The following AFMID variants were observed in gnomAD, a reference collection of about 807,000 sequenced individuals.
AFMID encodes the protein kynurenine formamidase.
In AFMID, 39 loss-of-function variants were observed where a neutral mutation model predicts 47.5. The ratio of observed to expected loss-of-function variants is 0.82; its 90% CI spans 0.64 to 1.07. The LOEUF is 1.07. Ranked by LOEUF, AFMID falls within the 50% of genes least tolerant of loss-of-function variation. The pLI is 0.00. For missense variants in AFMID, 375 were observed against 387.5 expected (o/e 0.97, Z 0.27); for synonymous variants, 130 against 153.2 (o/e 0.85, Z 1.12).
At chr17:78,194,379 A>G (rs950844989) in intron 2 of AFMID, among the ~76,000 whole-genome samples, 1 of 152,126 alleles carries the variant, frequency 6.6e-6, no homozygotes, top group Non-Finnish European at 1.5e-5. Context: ...CTCGCCTCCC[A>G]AAGTGCTGGG....
intron 1 of AFMID, among the ~76,000 whole-genome samples, chr17:78,188,801 G>A (rs1483641838): frequency 6.6e-6 from 1 of 152,126 alleles, no homozygotes; most frequent in Non-Finnish European, 1.5e-5. Flanking sequence ...GTTTCACTGT[G>A]TTAGCCAGGA....
chr17:78,207,084 C>T lies in AFMID; in HGVS notation c.*147C>T. ...TCTGTCTGCCCGGCAAGAGTCCATTCTCACTGCTGGGACACTCATGAAAAT... is the reference window on the plus strand; with the variant it reads ...TCTGTCTGCCCGGCAAGAGTCCATTTTCACTGCTGGGACACTCATGAAAAT... On this transcript the variant is annotated 3_prime_UTR_variant, in exon 11 of 11. Transcript: ENST00000409257. 2 of 839,108 alleles carry T rather than the reference C, an allele frequency of 2.4e-6. No individual in the cohort carries two copies. The highest frequency in any genetic ancestry group is 1.4e-5 in the South Asian group (1 of 71,814). 52.0% of individuals were successfully genotyped at this position (839,108 alleles called of 1,614,324 possible). A position where few individuals can be genotyped will look rare whatever the true frequency, so the allele number is the denominator to read the frequency against.
chr17:78,195,716 G>A (rs1285791806), intron 2 of AFMID, among the ~76,000 whole-genome samples: 1 of 149,776 alleles, frequency 6.7e-6, no homozygotes, highest in Non-Finnish European at 1.5e-5. Flanking sequence ...TGGTCAGGCT[G>A]GTCTGGAACT....
chr17:78,205,435 C>T lies in AFMID; in HGVS notation c.566-5C>T. 6.2e-7 allele frequency: 1 copy of T among 1,614,184 alleles called. No homozygotes were observed. The highest frequency in any genetic ancestry group is 8.5e-7 in the Non-Finnish European group (1 of 1,179,992). ...TGGCCCTGTGACAATTCTGTACCTT[C>T]ACAGGCTTTTTCCTGGTGAGTGGGG... On this transcript the variant is annotated splice_polypyrimidine_tract_variant and splice_region_variant and intron_variant, in intron 7 of 10. Coordinates refer to ENST00000409257, the MANE Select transcript of AFMID (RefSeq NM_001010982.5).
chr17:78,187,595 A>G (rs1207307815), intron 1 of AFMID, among the ~76,000 whole-genome samples, 162 bp downstream of exon 1: 1 of 152,002 alleles, frequency 6.6e-6, no homozygotes, highest in African/African-American at 2.4e-5. Flanking sequence ...ACCATGGTGT[A>G]TTTTACCTTC....
chr17:78,197,360 T>C, intron 2 of AFMID: 1 of 681,146 alleles, frequency 1.5e-6, no homozygotes, highest in South Asian at 1.9e-5. Context: ...TTGCAAGTGG[T>C]ATGGTAATGG....
rs1567854900 is a variant in AFMID, at chr17:78,204,828, G to A, written c.395G>A (p.Gly132Asp). 15 of 1,614,204 alleles carry A rather than the reference G, an allele frequency of 9.3e-6. No individual in the cohort carries two copies. The highest frequency in any genetic ancestry group is 8.3e-5 in the Admixed American group (5 of 60,010). The change falls in exon 6 of 11, where the codon GGC becomes GAC. Residue 132 changes from glycine (G) to aspartate (D), a missense_variant and splice_region_variant. By Grantham distance (94) the Gly-to-Asp change is moderately conservative. Transcript: ENST00000409257. ...VIVAYGIAPK[G>D]TLDHMVDQVT... ...GACCCAGCTCATGCTCTCTGTGCAGGCACCCTGGACCACATGGTAGACCAG... is the reference window on the plus strand; with the variant it reads ...GACCCAGCTCATGCTCTCTGTGCAGACACCCTGGACCACATGGTAGACCAG...
intron 2 of AFMID, among the ~76,000 whole-genome samples, chr17:78,202,226 C>T (rs1283799192): frequency 6.7e-6 from 1 of 149,896 alleles, no homozygotes; most frequent in Non-Finnish European, 1.5e-5. Flanking sequence ...AGTTCAAGAC[C>T]AGCCTGGCCA....
rs532265305 is a variant in AFMID, at chr17:78,204,665, G to A, written c.318G>A (p.Glu106=). The change falls in exon 5 of 11, where the codon GAG becomes GAA. Residue 106 remains glutamate, a synonymous_variant. Coordinates refer to ENST00000409257, the MANE Select transcript of AFMID (RefSeq NM_001010982.5). ...GGYWQSGSKD[E]SAFMVHPLTA... ...CTGTGTGTCTCTGCAGTAAGGATGA[G>A]TCTGCCTTCATGGTCCACCCGCTGA... is the stretch of plus-strand genomic sequence containing the variant. 1.2e-6 allele frequency: 2 copies of A among 1,614,186 alleles called. No homozygotes were observed. The highest frequency in any genetic ancestry group is 1.7e-5 in the Admixed American group (1 of 60,024).
rs747970561 is a variant in AFMID, at chr17:78,206,990, T to C, written c.*53T>C. On this transcript the variant is annotated 3_prime_UTR_variant, in exon 11 of 11. Coordinates refer to ENST00000409257, the MANE Select transcript of AFMID (RefSeq NM_001010982.5). Reference sequence around the variant, plus strand: ...CGTGCATCCCACCTTGGGAAGCCTCTCCAAAGAGCTTTCGGAGCTGACACT... The same window carrying C: ...CGTGCATCCCACCTTGGGAAGCCTCCCCAAAGAGCTTTCGGAGCTGACACT... The C allele has an allele frequency of 6.3e-7, 1 of 1,591,824 alleles. No individual in the cohort carries two copies. Among genetic ancestry groups the C allele is most frequent in the South Asian group, 1.1e-5 (1 of 90,588 alleles).
At chr17:78,193,129 T>G (rs954510682) in intron 2 of AFMID, among the ~76,000 whole-genome samples, 2 of 152,038 alleles carry the variant, frequency 1.3e-5, no homozygotes, top group African/African-American at 2.4e-5. Flanking sequence ...CCCAGCACTT[T>G]GGGAGGCCGA....
intron 2 of AFMID, among the ~76,000 whole-genome samples, chr17:78,195,730 G>A (rs533170235): frequency 4.0e-5 from 6 of 148,628 alleles, no homozygotes; most frequent in Admixed American, 3.4e-4. Flanking sequence ...TGGAACTCCC[G>A]ACCTCAGGTC....
At chr17:78,192,401 A>T (rs1201154506) in intron 2 of AFMID, among the ~76,000 whole-genome samples, 6 of 107,794 alleles carry the variant, frequency 5.6e-5, no homozygotes, top group Admixed American at 1.2e-4. Flanking sequence ...TGCAACCTCC[A>T]CCTCCCAGGT....
intron 2 of AFMID, among the ~76,000 whole-genome samples, chr17:78,197,897 G>A (rs1031426206): frequency 2.6e-5 from 4 of 152,066 alleles, no homozygotes; most frequent in Non-Finnish European, 4.4e-5. Flanking sequence ...GCAGGAGGAC[G>A]CTTGAGCCCA....
At chr17:78,205,320 G>C in intron 7 of AFMID, 120 bp from the exon 8 acceptor site, 2 of 1,429,938 alleles carry the variant, frequency 1.4e-6, no homozygotes, top group Non-Finnish European at 2.0e-6. Context: ...CTCTGAGCAA[G>C]GCCTTCTCTG....
intron 2 of AFMID, among the ~76,000 whole-genome samples, chr17:78,202,258 A>AATAT (rs542326531): frequency 1.8e-4 from 27 of 147,350 alleles, no homozygotes; most frequent in Non-Finnish European, 3.2e-4. Context: ...TCTACTAAAA[A>AATAT]ATATATATAT....
chr17:78,197,006 GTTTT>G (rs2076131939), intron 2 of AFMID: 1 of 745,648 alleles, frequency 1.3e-6, no homozygotes, highest in Admixed American at 2.4e-5. Flanking sequence ...GGTTAGTAGA[GTTTT>G]TTAATATCTG....
chr17:78,206,835 T>A, intron 10 of AFMID, 76 bp from the exon 11 acceptor site: 1 of 1,544,178 alleles, frequency 6.5e-7, no homozygotes, highest in Non-Finnish European at 8.9e-7. Context: ...TCCAGCCCTG[T>A]CTCATTTCCT....
chr17:78,204,648 C>T lies in AFMID; in HGVS notation c.309-8C>T, dbSNP rs763725351. 3 of 1,614,130 alleles carry T rather than the reference C, an allele frequency of 1.9e-6. No homozygotes were observed. Among genetic ancestry groups the T allele is most frequent in the Admixed American group, 3.3e-5 (2 of 60,026 alleles). ...GCCTCCAGCTGTCACATCTGTGTGT[C>T]TCTGCAGTAAGGATGAGTCTGCCTT... On this transcript the variant is annotated splice_polypyrimidine_tract_variant and splice_region_variant and intron_variant, in intron 4 of 10. Transcript: ENST00000409257.
Sources: allele counts gnomAD v4.1 joint callset (sites outside exome capture counted in the v4.1 genomes callset), GRCh38; gene constraint gnomAD v4.1.1; transcripts MANE v1.5; gene names NCBI Gene and HGNC (gene_info 2026-07-23, HGNC 2026-07-21).